Variants in SARDH observed in about 807,000 individuals in gnomAD.
SARDH encodes the protein sarcosine dehydrogenase, mitochondrial.
A neutral mutation model predicts 109.1 loss-of-function variants in SARDH; 95 were observed. The ratio of observed to expected loss-of-function variants is 0.87; its 90% CI spans 0.74 to 1.03. SARDH has a LOEUF of 1.03. Ranked by LOEUF, SARDH falls within the 50% of genes least tolerant of loss-of-function variation. SARDH has a pLI of 0.00. For missense variants in SARDH, 1,267 were observed against 1,287.8 expected, an observed-to-expected ratio of 0.98 and a Z score of 0.25; for synonymous variants, 572 against 534.8, an observed-to-expected ratio of 1.07 and a Z score of -0.96.
rs1202918327 is a variant in SARDH at position 133,692,563 on chromosome 9, C to A, written c.1921+1695G>T. 6.6e-6 allele frequency among the ~76,000 whole-genome samples: 1 copy of A among 152,166 alleles called. No individual in the cohort carries two copies. The highest frequency in any genetic ancestry group is 1.5e-5 in the Non-Finnish European group (1 of 68,020). ...CCAGGAAGCCTTGCTCATCCCGGCTCGGCGGCTTCACATGGCCTTCCCTAA... is the reference window on the plus strand; with the variant it reads ...CCAGGAAGCCTTGCTCATCCCGGCTAGGCGGCTTCACATGGCCTTCCCTAA... On this transcript the variant is annotated intron_variant, in intron 15 of 20. Transcript: ENST00000439388. This position sits in a 1 kb window ranked among gnomAD's most constrained non-coding sequence, Gnocchi z 5.0.
chr9:133,690,643 G>A (rs1365507731), intron 15 of SARDH, 116 bp from the exon 16 acceptor site: 41 of 1,193,404 alleles, frequency 3.4e-5, no homozygotes, highest in Non-Finnish European at 7.1e-6. Context: ...AGGGGCCTGT[G>A]CCTTCACAGT....
At chr9:133,676,689 A>G (rs1830523185) in intron 17 of SARDH, among the ~76,000 whole-genome samples, 1 of 152,222 alleles carries the variant, frequency 6.6e-6, no homozygotes, top group Non-Finnish European at 1.5e-5. Context: ...ACAGAAGGTC[A>G]AGGAGATACC....
intron 3 of SARDH, among the ~76,000 whole-genome samples, chr9:133,731,935 C>T (rs911657250): frequency 6.6e-6 from 1 of 152,172 alleles, no homozygotes; most frequent in Admixed American, 6.5e-5. Flanking sequence ...TTCAGACTGT[C>T]AGATAGACCA....
intron 2 of SARDH, 60 bp downstream of exon 2, chr9:133,733,783 G>A: frequency 7.3e-7 from 1 of 1,376,778 alleles, no homozygotes; most frequent in Non-Finnish European, 9.5e-7. Context: ...GCTAGCAATG[G>A]GCTGTGGCCC....
At position 133,686,252 on chromosome 9, in the gene SARDH, G is replaced by A. The variant is rs73564136; in HGVS notation, c.2070-966C>T. Among the ~76,000 whole-genome samples, 5,550 of 152,028 alleles carry A rather than the reference G, an allele frequency of 0.037. 274 individuals are homozygous for A. The highest frequency in any genetic ancestry group is 0.1 in the African/African-American group (4,344 of 41,432). ...CTACTCTCACACTTGCGCAAGTACC[G>A]GAGACCTCACTGGAGCCAACACCCA... is the stretch of plus-strand genomic sequence containing the variant. On this transcript the variant is annotated intron_variant, in intron 16 of 20. Transcript: ENST00000439388. The surrounding 1 kb of genome is among the most constrained non-coding windows in gnomAD (Gnocchi z 4.0).
chr9:133,696,300 C>T lies in SARDH; in HGVS notation c.1730G>A (p.Gly577Glu), dbSNP rs749159582. Residue 577 changes from glycine (G) to glutamate (E), a missense_variant, in exon 14 of 21, where the codon GGG (glycine) becomes GAG (glutamate). By Grantham distance (98) the Gly-to-Glu change is moderately conservative. Transcript: ENST00000439388. ...ATCCAGCCCCACCAGGTAGAACTTC[C>T]CGAAGTAGGACATGTCAAACACAGC... Reference protein sequence around the residue: ...AAAVFDMSYFGKFYLVGLDAR... With the variant: ...AAAVFDMSYFEKFYLVGLDAR... 1.2e-6 allele frequency: 2 copies of T among 1,614,170 alleles called. No homozygotes were observed. Among genetic ancestry groups the T allele is most frequent in the Admixed American group, 3.3e-5 (2 of 60,032 alleles).
At chr9:133,700,329 A>T (rs1005177559) in intron 13 of SARDH, among the ~76,000 whole-genome samples, 1 of 152,162 alleles carries the variant, frequency 6.6e-6, no homozygotes, top group Non-Finnish European at 1.5e-5. Flanking sequence ...CCCATCTCAA[A>T]AAATAAATAA....
chr9:133,705,063 C>T (rs779346782), intron 11 of SARDH, 32 bp from the exon 12 acceptor site: 13 of 1,559,276 alleles, frequency 8.3e-6, no homozygotes, highest in Admixed American at 5.8e-5. Flanking sequence ...GCATCTGTCA[C>T]GCATGGCCTG....
intron 6 of SARDH, among the ~76,000 whole-genome samples, chr9:133,720,824 C>T (rs1228360075): frequency 1.3e-5 from 2 of 152,144 alleles, no homozygotes; most frequent in Admixed American, 1.3e-4. Flanking sequence ...TGGGTGGGGA[C>T]ACAGCCAAAC....
chr9:133,733,764 A>C, intron 2 of SARDH, 79 bp downstream of exon 2: 1 of 1,316,622 alleles, frequency 7.6e-7, no homozygotes, highest in Non-Finnish European at 9.9e-7. Flanking sequence ...TGAACCAAGA[A>C]CTGTCCCAGC....
chr9:133,713,029 C>A lies in SARDH; in HGVS notation c.1237+9G>T. The A allele has an allele frequency of 6.2e-7, 1 of 1,607,408 alleles. No homozygotes were observed. The highest frequency in any genetic ancestry group is 8.5e-7 in the Non-Finnish European group (1 of 1,177,702). On this transcript the variant is annotated intron_variant, in intron 9 of 20. Coordinates refer to ENST00000439388, the MANE Select transcript of SARDH (RefSeq NM_001134707.2). ...CTTGGGGGCCAGGAGGGCTGCTGCC[C>A]GGACTCACCTGCGCTGTTGAAGCCA...
intron 14 of SARDH, among the ~76,000 whole-genome samples, chr9:133,695,102 A>G (rs1421509803): frequency 6.6e-6 from 1 of 152,176 alleles, no homozygotes; most frequent in Non-Finnish European, 1.5e-5. Flanking sequence ...GTCTTTGCAG[A>G]TATGATCAGG....
At chr9:133,714,027 C>T (rs1564283718) in intron 8 of SARDH, among the ~76,000 whole-genome samples, 1 of 152,222 alleles carries the variant, frequency 6.6e-6, no homozygotes, top group Non-Finnish European at 1.5e-5. Flanking sequence ...CTGAGGGCCA[C>T]GCGTCACTGA....
intron 17 of SARDH, among the ~76,000 whole-genome samples, chr9:133,683,428 T>C (rs1232140754): frequency 1.3e-5 from 2 of 152,198 alleles, no homozygotes; most frequent in African/African-American, 4.8e-5. Flanking sequence ...CCCCCTCCCC[T>C]TCTGCAAACC....
rs1220884627 is a variant in SARDH at position 133,686,855 on chromosome 9, G to A, written c.2070-1569C>T. Among the ~76,000 whole-genome samples, 1 of 152,232 alleles carries A rather than the reference G, an allele frequency of 6.6e-6. No individual in the cohort carries two copies. Among genetic ancestry groups the A allele is most frequent in the Non-Finnish European group, 1.5e-5 (1 of 68,036 alleles). ...TTATGTAACCACTCAGCACCCACGT[G>A]GTGCCAAGCCCTGGAGAGTGATACC... On this transcript the variant is annotated intron_variant, in intron 16 of 20. Coordinates refer to ENST00000439388, the MANE Select transcript of SARDH (RefSeq NM_001134707.2). The surrounding 1 kb of genome is among the most constrained non-coding windows in gnomAD (Gnocchi z 4.0).
At chr9:133,734,535 A>G (rs2510263) in intron 1 of SARDH, among the ~76,000 whole-genome samples, 131,226 of 152,108 alleles carry the variant, frequency 0.86, 58,174 homozygotes, top group Non-Finnish European at 0.96. Context: ...AGTGCCCGGG[A>G]GCAACCTTGG....
chr9:133,698,022 G>GTTAAAAAAAAAAAAAAAA (rs1831348548), intron 13 of SARDH, among the ~76,000 whole-genome samples: 1 of 129,748 alleles, frequency 7.7e-6, no homozygotes, highest in African/African-American at 2.9e-5. Flanking sequence ...AAAAAAAAAA[G>GTTAAAAAAAAAAAAAAAA]AAAAAAAAGA....
intron 16 of SARDH, among the ~76,000 whole-genome samples, chr9:133,687,142 C>A (rs113703473): frequency 6.6e-6 from 1 of 152,170 alleles, no homozygotes; most frequent in East Asian, 1.9e-4. Context: ...TGTGATGCCA[C>A]GGGCCACTGT....
chr9:133,723,364 C>T (rs537437836), intron 6 of SARDH, among the ~76,000 whole-genome samples: 1 of 152,226 alleles, frequency 6.6e-6, no homozygotes, highest in Non-Finnish European at 1.5e-5. Context: ...GGAGGATTCA[C>T]ACTTCTTGAT....
Sources: allele counts gnomAD v4.1 joint callset (sites outside exome capture counted in the v4.1 genomes callset), GRCh38; gene constraint gnomAD v4.1.1; non-coding constraint Gnocchi (gnomAD v3.1); transcripts MANE v1.5; gene names NCBI Gene and HGNC (gene_info 2026-07-23, HGNC 2026-07-21).